Variants in FAM135B observed in about 807,000 individuals in gnomAD.
FAM135B encodes the protein family with sequence similarity 135 member B, also known as protein FAM135B.
A neutral mutation model predicts 127.7 loss-of-function variants in FAM135B; 43 were observed. The observed-to-expected ratio is 0.34, with a 90% confidence interval of 0.26 to 0.43. The LOEUF is 0.43. FAM135B is among the 20% of genes least tolerant of loss of function. The pLI is 1.00. For missense variants in FAM135B, 1,558 were observed against 1,725.6 expected (o/e 0.90, Z 1.72); for synonymous variants, 670 against 665.1 (o/e 1.01, Z -0.11).
intron 1 of FAM135B, among the ~76,000 whole-genome samples, chr8:138,388,252 A>G (rs1032063975): frequency 6.6e-6 from 1 of 152,218 alleles, no homozygotes; most frequent in Non-Finnish European, 1.5e-5. Flanking sequence ...ATACCAAATG[A>G]TGGCAAACAT....
intron 7 of FAM135B, among the ~76,000 whole-genome samples, chr8:138,230,277 G>A (rs1034872041): frequency 1.3e-5 from 2 of 152,186 alleles, no homozygotes; most frequent in Non-Finnish European, 2.9e-5. Flanking sequence ...CTAGGCTCAT[G>A]AAGTCCCAGC....
intron 2 of FAM135B, among the ~76,000 whole-genome samples, chr8:138,332,771 G>C (rs1828282144): frequency 6.6e-6 from 1 of 152,126 alleles, no homozygotes; most frequent in Non-Finnish European, 1.5e-5. Flanking sequence ...TAACGCACCA[G>C]AGAAGAAATG....
intron 2 of FAM135B, among the ~76,000 whole-genome samples, chr8:138,339,224 C>T (rs746799867): frequency 4.4e-4 from 67 of 151,726 alleles, no homozygotes; most frequent in Non-Finnish European, 8.5e-4. Context: ...CTAACCTGCA[C>T]GTTGTGCACG....
At chr8:138,451,086 A>C (rs1471032036) in intron 1 of FAM135B, among the ~76,000 whole-genome samples, 1 of 152,198 alleles carries the variant, frequency 6.6e-6, no homozygotes, top group African/African-American at 2.4e-5. Context: ...GCTTTTAAAA[A>C]GTGGCCGCAG....
Position 138,241,440 on chromosome 8 carries a change from T to G in FAM135B, c.669+1502A>C, listed in dbSNP as rs546508071. On this transcript the variant is annotated intron_variant, in intron 7 of 19. Coordinates refer to ENST00000395297, the MANE Select transcript of FAM135B (RefSeq NM_015912.4). This position sits in a 1 kb window ranked among gnomAD's most constrained non-coding sequence, Gnocchi z 4.8. ...GTCCCCTCAGCAGGTTCTTGACAAC[T>G]CTTTTCTTTGCTTCTCAGGACCATA... 1.3e-5 allele frequency among the ~76,000 whole-genome samples: 2 copies of G among 152,260 alleles called. No individual in the cohort carries two copies. Among genetic ancestry groups the G allele is most frequent in the African/African-American group, 4.8e-5 (2 of 41,540 alleles).
At chr8:138,424,973 GCTCAATGAGCCAGC>G (rs1333560545) in intron 1 of FAM135B, among the ~76,000 whole-genome samples, 1 of 152,088 alleles carries the variant, frequency 6.6e-6, no homozygotes, top group Non-Finnish European at 1.5e-5. Context: ...CCTTTGTAAG[GCTCAATGAGCCAGC>G]CAACTCCATT....
intron 3 of FAM135B, among the ~76,000 whole-genome samples, 164 bp downstream of exon 3, chr8:138,310,677 C>A (rs951397734): frequency 5.3e-5 from 8 of 152,196 alleles, no homozygotes; most frequent in Non-Finnish European, 1.2e-4. Context: ...CACATATGGC[C>A]ACCTCCAACT....
At chr8:138,460,445 A>G (rs1424765012) in intron 1 of FAM135B, among the ~76,000 whole-genome samples, 1 of 152,180 alleles carries the variant, frequency 6.6e-6, no homozygotes, top group East Asian at 1.9e-4. Flanking sequence ...GTGAAGATAA[A>G]GGGACATGGC....
At chr8:138,455,327 C>T (rs2131598642) in intron 1 of FAM135B, among the ~76,000 whole-genome samples, 1 of 152,266 alleles carries the variant, frequency 6.6e-6, no homozygotes, top group South Asian at 2.1e-4. Context: ...TCATAGATTT[C>T]AAAGTTACTA....
intron 12 of FAM135B, among the ~76,000 whole-genome samples, chr8:138,163,251 C>T (rs1819569224): frequency 6.6e-6 from 1 of 152,162 alleles, no homozygotes; most frequent in Non-Finnish European, 1.5e-5. Flanking sequence ...GGGGGAAAGA[C>T]TCAAAACCAG....
At chr8:138,394,596 A>T (rs1431851330) in intron 1 of FAM135B, among the ~76,000 whole-genome samples, 3 of 152,188 alleles carry the variant, frequency 2.0e-5, no homozygotes, top group African/African-American at 7.2e-5. Flanking sequence ...TGGTGGTCTC[A>T]TTTCACTGAG....
rs2130894042 is a variant in FAM135B at position 138,310,912 on chromosome 8, T to C, written c.86A>G (p.Gln29Arg). The C allele has an allele frequency of 6.2e-7, 1 of 1,612,332 alleles. No homozygotes were observed. ...AGACACCTTCAAGGTCACTCGGATC[T>C]GGTAATACCTAAGAAAAGAGAAGAG... ...NVDLFQRGYY[Q>R]IRVTLKVSSR... Residue 29 changes from glutamine to arginine, a missense_variant, in exon 3 of 20, where the codon CAG (glutamine) becomes CGG (arginine). Around this residue, in one of 5 missense-constraint regions of FAM135B, gnomAD observed 199 missense variants for 245.7 expected, o/e 0.81. Coordinates refer to ENST00000395297, the MANE Select transcript of FAM135B (RefSeq NM_015912.4).
chr8:138,325,515 T>G (rs1232755814), intron 2 of FAM135B, among the ~76,000 whole-genome samples: 1 of 152,168 alleles, frequency 6.6e-6, no homozygotes, highest in East Asian at 1.9e-4. Context: ...TGGAAAGATT[T>G]CAAGAAAATT....
intron 3 of FAM135B, among the ~76,000 whole-genome samples, chr8:138,275,526 T>G (rs1823754118): frequency 6.6e-6 from 1 of 151,974 alleles, no homozygotes; most frequent in African/African-American, 2.4e-5. Context: ...CGCTATAATT[T>G]TTTTTGTGAA....
chr8:138,219,199 G>A (rs1818827938), intron 7 of FAM135B, among the ~76,000 whole-genome samples: 1 of 152,186 alleles, frequency 6.6e-6, no homozygotes, highest in Non-Finnish European at 1.5e-5. Flanking sequence ...GATAGAAACT[G>A]TAAAATATAT....
chr8:138,168,741 G>C lies in FAM135B; in HGVS notation c.1104-692C>G, dbSNP rs184036981. Among the ~76,000 whole-genome samples, 238 of 152,286 alleles carry C rather than the reference G, an allele frequency of 1.6e-3. 1 individual carries two copies. The highest frequency in any genetic ancestry group is 2.6e-3 in the Non-Finnish European group (180 of 68,024). On this transcript the variant is annotated intron_variant, in intron 11 of 19. Transcript: ENST00000395297. Reference sequence around the variant, plus strand: ...AAAGTGTGTATTCCCTTCTCATCAAGTTTCTACAGTAGGGGAAGAGTTTAT... The same window carrying C: ...AAAGTGTGTATTCCCTTCTCATCAACTTTCTACAGTAGGGGAAGAGTTTAT...
intron 3 of FAM135B, among the ~76,000 whole-genome samples, chr8:138,266,311 A>C: frequency 6.6e-6 from 1 of 152,154 alleles, no homozygotes; most frequent in East Asian, 1.9e-4. Flanking sequence ...CATGCATGTC[A>C]TGAGAACACT....
chr8:138,425,964 CATAT>C lies in FAM135B; in HGVS notation c.-19-57966_-19-57963del, dbSNP rs11271386. ...AGGAGTTCGAGACCAGCCAGGCCAA[CATAT>C]ATATATATATATATATATATATATA... is the stretch of plus-strand genomic sequence containing the variant. On this transcript the variant is annotated intron_variant, in intron 1 of 19. Coordinates refer to ENST00000395297, the MANE Select transcript of FAM135B (RefSeq NM_015912.4). Among the ~76,000 whole-genome samples the C allele has an allele frequency of 3.3e-3, 363 of 109,908 alleles. 1 individual carries two copies. Among genetic ancestry groups the C allele is most frequent in the Middle Eastern group, 9.1e-3 (2 of 220 alleles). 72.1% of individuals were successfully genotyped at this position (109,908 alleles called of 152,430 possible).
intron 7 of FAM135B, among the ~76,000 whole-genome samples, chr8:138,210,688 C>G (rs1421324737): frequency 6.6e-6 from 1 of 152,136 alleles, no homozygotes; most frequent in African/African-American, 2.4e-5. Flanking sequence ...TCACTTCCCA[C>G]CAGGTCCCTC....
Sources: allele counts gnomAD v4.1 joint callset (sites outside exome capture counted in the v4.1 genomes callset), GRCh38; gene constraint gnomAD v4.1.1; regional missense constraint gnomAD v4.1.1; non-coding constraint Gnocchi (gnomAD v3.1); transcripts MANE v1.5; gene names NCBI Gene and HGNC (gene_info 2026-07-23, HGNC 2026-07-21).